ARHGAP22: variants seen among roughly 807,000 people sequenced by gnomAD.
ARHGAP22 encodes the protein rho GTPase-activating protein 22.
A neutral mutation model predicts 59.1 loss-of-function variants in ARHGAP22; 48 were observed. The ratio of observed to expected loss-of-function variants is 0.81; its 90% CI spans 0.64 to 1.03. The LOEUF (loss-of-function observed/expected upper bound fraction) is 1.03. ARHGAP22 is among the 50% of genes least tolerant of loss of function. The pLI is 0.00. For missense variants in ARHGAP22, 1,015 were observed against 958.7 expected (o/e 1.06, Z -0.78); for synonymous variants, 445 against 416.4 (o/e 1.07, Z -0.84).
chr10:48,481,705 T>A (rs2049340465), intron 3 of ARHGAP22, among the ~76,000 whole-genome samples: 1 of 152,216 alleles, frequency 6.6e-6, no homozygotes, highest in African/African-American at 2.4e-5. Flanking sequence ...CACACTGTTC[T>A]GCAAAGTGAC....
At chr10:48,631,117 T>C (rs965053257) in intron 1 of ARHGAP22, among the ~76,000 whole-genome samples, 5 of 152,226 alleles carry the variant, frequency 3.3e-5, no homozygotes, top group East Asian at 3.8e-4. Flanking sequence ...TAATAGTTTT[T>C]TGAGTGTTCA....
intron 1 of ARHGAP22, among the ~76,000 whole-genome samples, chr10:48,628,589 T>C (rs1044983271): frequency 2.0e-5 from 3 of 152,186 alleles, no homozygotes; most frequent in African/African-American, 7.2e-5. Context: ...AACCACTCCA[T>C]AGGTCCAGAA....
At chr10:48,467,669 A>G (rs1163569160) in intron 4 of ARHGAP22, among the ~76,000 whole-genome samples, 2 of 152,264 alleles carry the variant, frequency 1.3e-5, no homozygotes, top group African/African-American at 4.8e-5. Flanking sequence ...TATTTTCCAA[A>G]ACTCTGGAAA....
At chr10:48,577,088 C>T (rs901479771) in intron 2 of ARHGAP22, among the ~76,000 whole-genome samples, 2 of 152,052 alleles carry the variant, frequency 1.3e-5, no homozygotes, top group East Asian at 3.8e-4. Flanking sequence ...TCCTTCTATT[C>T]GGACATTGGG....
At chr10:48,527,485 A>T (rs79008382) in intron 3 of ARHGAP22, among the ~76,000 whole-genome samples, 4 of 95,194 alleles carry the variant, frequency 4.2e-5, no homozygotes, top group South Asian at 4.1e-4. Flanking sequence ...GGGTGGATGG[A>T]TGGTTGGTTG....
intron 2 of ARHGAP22, among the ~76,000 whole-genome samples, chr10:48,580,529 G>A (rs2059044476): frequency 6.6e-6 from 1 of 152,178 alleles, no homozygotes; most frequent in African/African-American, 2.4e-5. Flanking sequence ...CAGTGCTGTG[G>A]GCTGGTACAG....
At chr10:48,459,525 G>T (rs893284021) in intron 5 of ARHGAP22, among the ~76,000 whole-genome samples, 159 bp downstream of exon 5, 16 of 152,184 alleles carry the variant, frequency 1.1e-4, no homozygotes, top group African/African-American at 3.4e-4. Flanking sequence ...ACCCCGGGCT[G>T]GCGGAGTGAG....
chr10:48,612,940 T>C (rs760136882), intron 1 of ARHGAP22, among the ~76,000 whole-genome samples: 2 of 152,238 alleles, frequency 1.3e-5, no homozygotes, highest in Non-Finnish European at 2.9e-5. Context: ...AAACCACAGG[T>C]CGTCCTTCAA....
intron 1 of ARHGAP22, among the ~76,000 whole-genome samples, chr10:48,591,377 T>G (rs539916618): frequency 1.3e-5 from 2 of 152,282 alleles, no homozygotes; most frequent in Non-Finnish European, 2.9e-5. Context: ...GAGGAACCAT[T>G]TCACGCCATT....
chr10:48,653,115 T>C (rs962706352), upstream of ARHGAP22, among the ~76,000 whole-genome samples: 2 of 152,222 alleles, frequency 1.3e-5, no homozygotes, highest in African/African-American at 4.8e-5. Context: ...GCAGCATTGA[T>C]TCAGATGGAG....
chr10:48,592,676 G>A (rs1017035074), intron 1 of ARHGAP22, among the ~76,000 whole-genome samples: 5 of 152,268 alleles, frequency 3.3e-5, no homozygotes, highest in African/African-American at 1.2e-4. Flanking sequence ...AGGCCCTCAT[G>A]TGGCTCAACC....
At chr10:48,562,599 C>T (rs747070407) in intron 2 of ARHGAP22, among the ~76,000 whole-genome samples, 4 of 151,998 alleles carry the variant, frequency 2.6e-5, no homozygotes, top group Non-Finnish European at 4.4e-5. Context: ...GAGAACTAAG[C>T]GGATCAGCCT....
chr10:48,531,521 C>G (rs1449081586), intron 3 of ARHGAP22, among the ~76,000 whole-genome samples: 1 of 152,164 alleles, frequency 6.6e-6, no homozygotes, highest in Admixed American at 6.5e-5. Context: ...GGAAGTGATG[C>G]AAAATCCTTA....
chr10:48,493,721 C>T, intron 3 of ARHGAP22: 1 of 1,265,502 alleles, frequency 7.9e-7, no homozygotes, highest in Non-Finnish European at 1.0e-6. Flanking sequence ...GCAAGAAGGA[C>T]TTGCTGGGAT....
intron 2 of ARHGAP22, among the ~76,000 whole-genome samples, chr10:48,564,226 T>C (rs186596572): frequency 2.0e-5 from 3 of 152,350 alleles, no homozygotes; most frequent in Admixed American, 6.5e-5. Flanking sequence ...CAATCCTCAA[T>C]GTAACATTTT....
chr10:48,512,979 G>A (rs2052933476), intron 3 of ARHGAP22, among the ~76,000 whole-genome samples: 1 of 152,114 alleles, frequency 6.6e-6, no homozygotes, highest in Non-Finnish European at 1.5e-5. Context: ...GTAAAAATTT[G>A]ATCTGTTTTG....
At chr10:48,656,265 TGG>T (rs760924651), upstream of ARHGAP22, 24 of 101,650 alleles carry the variant, frequency 2.4e-4, no homozygotes, top group African/African-American at 1.2e-3. Context: ...TCGGCGCCTC[TGG>T]GGGGGGGGGG....
At chr10:48,496,096 G>A (rs746371146) in intron 3 of ARHGAP22, among the ~76,000 whole-genome samples, 3 of 152,148 alleles carry the variant, frequency 2.0e-5, no homozygotes, top group East Asian at 1.9e-4. Context: ...CCGGATTCCC[G>A]ACCCACAGAG....
chr10:48,433,880 C>T, the ARHGAP22 span, among the ~76,000 whole-genome samples: 2 of 152,148 alleles, frequency 1.3e-5, no homozygotes, highest in Non-Finnish European at 2.9e-5. Flanking sequence ...GCTCAGTGTT[C>T]CATTTGAAGA....
Sources: allele counts gnomAD v4.1 joint callset (sites outside exome capture counted in the v4.1 genomes callset), GRCh38; gene constraint gnomAD v4.1.1; transcripts MANE v1.5; gene names NCBI Gene and HGNC (gene_info 2026-07-23, HGNC 2026-07-21).